The following UNC5D variants were observed in gnomAD, a reference collection of about 807,000 sequenced individuals.
UNC5D encodes the protein netrin receptor UNC5D.
Under a neutral mutation model 105.4 loss-of-function variants are expected in UNC5D, and 39 were observed. The observed-to-expected ratio is 0.37, with a 90% CI of 0.29 to 0.48. The LOEUF (loss-of-function observed/expected upper bound fraction) is 0.48. Ranked by LOEUF, UNC5D falls within the 20% of genes least tolerant of loss-of-function variation. The probability of loss-of-function intolerance (pLI) is 0.98; values close to 1 mark genes in which losing one functional copy is unlikely to be tolerated. For missense variants in UNC5D, 991 were observed against 1,202.4 expected (o/e 0.82, Z 2.60); for synonymous variants, 452 against 450.4 (o/e 1.00, Z -0.04).
intron 1 of UNC5D, among the ~76,000 whole-genome samples, chr8:35,368,907 G>A (rs1031311268): frequency 6.6e-6 from 1 of 152,128 alleles, no homozygotes; most frequent in African/African-American, 2.4e-5. Context: ...CACCAGCCCT[G>A]ACCATCCTAG....
intron 6 of UNC5D, 135 bp downstream of exon 6, chr8:35,684,884 C>A: frequency 8.5e-7 from 1 of 1,171,898 alleles, no homozygotes; most frequent in South Asian, 2.1e-5. Context: ...ATCCAAGGTG[C>A]TAATGTAAAG....
chr8:35,681,308 T>A (rs1352373280), intron 4 of UNC5D, among the ~76,000 whole-genome samples: 1 of 152,212 alleles, frequency 6.6e-6, no homozygotes, highest in African/African-American at 2.4e-5. Context: ...GACTCTCAAC[T>A]CTTATATTTT....
intron 8 of UNC5D, chr8:35,721,381 G>A: frequency 2.8e-6 from 2 of 702,394 alleles, no homozygotes; most frequent in Admixed American, 2.0e-5. Context: ...AGCACATCTT[G>A]CGGGGTGGGG....
intron 4 of UNC5D, among the ~76,000 whole-genome samples, chr8:35,628,120 TTTACTTAC>T (rs146768067): frequency 4.6e-5 from 7 of 151,728 alleles, no homozygotes; most frequent in African/African-American, 1.2e-4. Context: ...TATTTATTTA[TTTACTTAC>T]TTACTTACTT....
intron 1 of UNC5D, among the ~76,000 whole-genome samples, chr8:35,394,073 C>T (rs754216071): frequency 1.3e-5 from 2 of 151,560 alleles, no homozygotes; most frequent in African/African-American, 4.9e-5. Context: ...TAGGAGTTTA[C>T]ATGACGTGTA....
intron 1 of UNC5D, among the ~76,000 whole-genome samples, chr8:35,406,603 G>A (rs1255444371): frequency 6.6e-6 from 1 of 152,124 alleles, no homozygotes; most frequent in Non-Finnish European, 1.5e-5. Context: ...ATTTCCCAGA[G>A]AGAATCTCGG....
chr8:35,431,933 C>A (rs1383474318), intron 1 of UNC5D, among the ~76,000 whole-genome samples: 3 of 152,024 alleles, frequency 2.0e-5, no homozygotes, highest in Non-Finnish European at 4.4e-5. Context: ...AGAAACTAAA[C>A]AATTTTCTTC....
At chr8:35,473,105 T>C (rs1381955703) in intron 1 of UNC5D, among the ~76,000 whole-genome samples, 2 of 152,058 alleles carry the variant, frequency 1.3e-5, no homozygotes, top group Admixed American at 1.3e-4. Flanking sequence ...TAACAAAACT[T>C]CCAAGAAGCA....
At chr8:35,334,204 C>G (rs1810846545) in intron 1 of UNC5D, among the ~76,000 whole-genome samples, 1 of 152,084 alleles carries the variant, frequency 6.6e-6, no homozygotes, top group Non-Finnish European at 1.5e-5. Flanking sequence ...CTGCAGTGAT[C>G]AGAGACAGCT....
At chr8:35,405,274 A>G (rs1563385537) in intron 1 of UNC5D, among the ~76,000 whole-genome samples, 1 of 152,156 alleles carries the variant, frequency 6.6e-6, no homozygotes. Context: ...GGTGGTGTGT[A>G]TGATAGAAAT....
At chr8:35,274,180 C>G (rs562354933) in intron 1 of UNC5D, among the ~76,000 whole-genome samples, 2 of 152,204 alleles carry the variant, frequency 1.3e-5, no homozygotes, top group East Asian at 3.9e-4. Context: ...TTTTCTTAGT[C>G]ATCAGAATAT....
At chr8:35,737,164 A>G (rs958433243) in intron 11 of UNC5D, among the ~76,000 whole-genome samples, 10 of 151,684 alleles carry the variant, frequency 6.6e-5, no homozygotes, top group African/African-American at 2.2e-4. Flanking sequence ...CTAGATTTTA[A>G]TGTTTCTAAA....
intron 1 of UNC5D, among the ~76,000 whole-genome samples, chr8:35,378,446 C>A (rs1292821853): frequency 6.6e-6 from 1 of 152,132 alleles, no homozygotes; most frequent in Non-Finnish European, 1.5e-5. Context: ...GTGCTTCAAG[C>A]ATTTTTGCAA....
chr8:35,324,233 CAAAAAAAA>C (rs569409228), intron 1 of UNC5D, among the ~76,000 whole-genome samples: 2 of 62,802 alleles, frequency 3.2e-5, no homozygotes, highest in African/African-American at 6.4e-5. Flanking sequence ...ACCCTGTCTC[CAAAAAAAA>C]AAAAAAAAAA....
At chr8:35,607,354 G>T (rs1820361551) in intron 4 of UNC5D, among the ~76,000 whole-genome samples, 1 of 152,172 alleles carries the variant, frequency 6.6e-6, no homozygotes, top group Non-Finnish European at 1.5e-5. Context: ...AACAGCAGAA[G>T]TTTATTTTCC....
chr8:35,309,805 A>G (rs1017093360), intron 1 of UNC5D, among the ~76,000 whole-genome samples: 14 of 152,306 alleles, frequency 9.2e-5, no homozygotes, highest in African/African-American at 3.4e-4. Context: ...AGAAATTGCT[A>G]TTCACTAGTT....
At chr8:35,577,443 A>G (rs1818166593) in intron 3 of UNC5D, among the ~76,000 whole-genome samples, 1 of 152,194 alleles carries the variant, frequency 6.6e-6, no homozygotes, top group African/African-American at 2.4e-5. Context: ...ACATGGGAAA[A>G]GGAAGCAGCA....
At chr8:35,563,675 G>A (rs1200970351) in intron 2 of UNC5D, among the ~76,000 whole-genome samples, 1 of 152,006 alleles carries the variant, frequency 6.6e-6, no homozygotes, top group Non-Finnish European at 1.5e-5. Context: ...TATAAAAGTG[G>A]ACATCCTTGT....
chr8:35,420,212 T>C (rs1201450671), intron 1 of UNC5D, among the ~76,000 whole-genome samples: 1 of 152,140 alleles, frequency 6.6e-6, no homozygotes, highest in Admixed American at 6.6e-5. Context: ...TTCTTCTTTT[T>C]TTACAATAAA....
Sources: allele counts gnomAD v4.1 joint callset (sites outside exome capture counted in the v4.1 genomes callset), GRCh38; gene constraint gnomAD v4.1.1; transcripts MANE v1.5; gene names NCBI Gene and HGNC (gene_info 2026-07-23, HGNC 2026-07-21).